The following PCYOX1 variants were observed in gnomAD, a reference collection of about 807,000 sequenced individuals.
PCYOX1 encodes the protein prenylcysteine lyase.
In PCYOX1, 46 loss-of-function variants were observed where a neutral mutation model predicts 46.4. The observed-to-expected ratio is 0.99, with a 90% CI of 0.78 to 1.27. PCYOX1 has a LOEUF of 1.27. Ranked by LOEUF, PCYOX1 falls within the 50% of genes most tolerant of loss-of-function variation. The pLI, the probability that PCYOX1 is intolerant of heterozygous loss-of-function variation, is 0.00. For synonymous variants in PCYOX1, 220 were observed against 231.8 expected (o/e 0.95, Z 0.46); for missense variants, 658 against 628.3 (o/e 1.05, Z -0.51).
rs757990304 is a variant in PCYOX1, at chr2:70,275,114, T to C, written c.650T>C (p.Ile217Thr). The change falls in exon 4 of 6, where the codon ATT (isoleucine) becomes ACT (threonine). Residue 217 changes from isoleucine (I) to threonine (T), a missense_variant. Transcript: ENST00000433351. ...GFSEKFLNEMIAPVMRVNYGQ... is the reference protein window; with the variant it reads ...GFSEKFLNEMTAPVMRVNYGQ... ...TCTGAGAAGTTCCTCAATGAAATGA[T>C]TGCTCCTGTTATGAGGGTCAATTAT... The C allele has an allele frequency of 2.5e-6, 4 of 1,614,186 alleles. No individual in the cohort carries two copies. The highest frequency in any genetic ancestry group is 2.5e-6 in the Non-Finnish European group (3 of 1,180,018).
chr2:70,277,253 T>TA lies in PCYOX1; in HGVS notation c.1380dup (p.Glu461ArgfsTer33). ...GATCGACTTTATTACCTCAATGGCA[T>TA]AGAGTGTGCAGCAAGTGCCATGGAG... On this transcript the variant is annotated frameshift_variant, in exon 6 of 6. Coordinates refer to ENST00000433351, the MANE Select transcript of PCYOX1 (RefSeq NM_016297.4). LOFTEE classifies it high-confidence loss of function. 1 of 1,614,162 alleles carries TA rather than the reference T, an allele frequency of 6.2e-7. No individual in the cohort carries two copies. Among genetic ancestry groups the TA allele is most frequent in the African/African-American group, 1.3e-5 (1 of 75,048 alleles).
intron 5 of PCYOX1, among the ~76,000 whole-genome samples, 190 bp downstream of exon 5, chr2:70,275,856 T>A (rs1696663871): frequency 6.6e-6 from 1 of 152,068 alleles, no homozygotes; most frequent in African/African-American, 2.4e-5. Context: ...CCCTGTACTT[T>A]GGGAGGCCAA....
intron 4 of PCYOX1, 143 bp from the exon 5 acceptor site, chr2:70,275,371 A>AACTGGGGGAGATTTTGCT (rs1696656007): frequency 2.2e-6 from 2 of 889,984 alleles, no homozygotes; most frequent in African/African-American, 3.3e-5. Context: ...AGTAATTCTT[A>AACTGGGGGAGATTTTGCT]ACTGGGGGAG....
intron 3 of PCYOX1, among the ~76,000 whole-genome samples, chr2:70,268,221 G>A (rs1696555163): frequency 6.6e-6 from 1 of 152,102 alleles, no homozygotes; most frequent in Non-Finnish European, 1.5e-5. Flanking sequence ...GCTACCATTT[G>A]TTCTCAGGTT....
In PCYOX1 at chr2:70,267,430, A is replaced by G. The variant is rs535124924; in HGVS notation, c.494+6044A>G. 6.5e-3 allele frequency among the ~76,000 whole-genome samples: 983 copies of G among 152,186 alleles called. 12 individuals carry two copies. Among genetic ancestry groups the G allele is most frequent in the African/African-American group, 0.023 (938 of 41,564 alleles). On this transcript the variant is annotated intron_variant, in intron 3 of 5. Coordinates refer to ENST00000433351, the MANE Select transcript of PCYOX1 (RefSeq NM_016297.4). ...GCAATCTCAGCACTTTTGGGAGGTC[A>G]AGGCAGGCGGCTGGGAGGTGGAGGT...
chr2:70,258,259 C>G lies in PCYOX1; in HGVS notation c.95C>G (p.Ala32Gly), dbSNP rs78710301. 1.6e-5 allele frequency: 26 copies of G among 1,589,864 alleles called. No homozygotes were observed. The highest frequency in any genetic ancestry group is 2.0e-5 in the Non-Finnish European group (24 of 1,173,986). Reference sequence around the variant, plus strand: ...TGCCCCGAGGGCGCCGAGCTGCGTGCTCCGCCAGATAAAATCGGTAGGCGA... The same window carrying G: ...TGCCCCGAGGGCGCCGAGCTGCGTGGTCCGCCAGATAAAATCGGTAGGCGA... The part of the protein sequence containing the change: ...CGCPEGAELR[A>G]PPDKIAIIGA... The change falls in exon 1 of 6, where the codon GCT (alanine) becomes GGT (glycine). Residue 32 changes from alanine to glycine, a missense_variant. By Grantham distance (60) the Ala-to-Gly change is moderately conservative. Transcript: ENST00000433351.
chr2:70,268,292 C>A (rs1204968477), intron 3 of PCYOX1, among the ~76,000 whole-genome samples: 1 of 152,122 alleles, frequency 6.6e-6, no homozygotes, highest in Non-Finnish European at 1.5e-5. Flanking sequence ...AACTCAGAAA[C>A]CTTCAGTGGC....
chr2:70,270,586 C>T (rs529635682), intron 3 of PCYOX1, among the ~76,000 whole-genome samples: 2 of 152,294 alleles, frequency 1.3e-5, no homozygotes, highest in East Asian at 3.9e-4. Flanking sequence ...ATTGCTTTTA[C>T]CTCTACCGGA....
chr2:70,276,855 C>T lies in PCYOX1; in HGVS notation c.981C>T (p.Leu327=). 6.2e-7 allele frequency: 1 copy of T among 1,613,600 alleles called. No individual in the cohort carries two copies. Among genetic ancestry groups the T allele is most frequent in the Non-Finnish European group, 8.5e-7 (1 of 1,179,568 alleles). Residue 327 remains leucine (L), a synonymous_variant, in exon 6 of 6, where the codon CTC becomes CTT. Transcript: ENST00000433351. Reference sequence around the variant, plus strand: ...GAAAAATGTCGAATATTACTTTTCTCAACTTTGATCCTCCAATTGAGGAAT... The same window carrying T: ...GAAAAATGTCGAATATTACTTTTCTTAACTTTGATCCTCCAATTGAGGAAT... The part of the protein sequence containing the change: ...LNRKMSNITF[L]NFDPPIEEFH...
rs1033676565 is a variant in PCYOX1 at position 70,280,075 on chromosome 2, C to G, written c.*2683C>G. The G allele has an allele frequency of 2.6e-5, 4 of 151,546 alleles. No homozygotes were observed. The highest frequency in any genetic ancestry group is 9.7e-5 in the African/African-American group (4 of 41,188). 9.4% of individuals were successfully genotyped at this position (151,546 alleles called of 1,614,324 possible). ...AGCCTGGGCAAGAGTGAGACTGTGT[C>G]TCAAAAGGAAAAAAAAAAAATTAAA... On this transcript the variant is annotated 3_prime_UTR_variant, in exon 6 of 6. Coordinates refer to ENST00000433351, the MANE Select transcript of PCYOX1 (RefSeq NM_016297.4).
chr2:70,266,361 C>T (rs931907467), intron 3 of PCYOX1, among the ~76,000 whole-genome samples: 1 of 152,092 alleles, frequency 6.6e-6, no homozygotes, highest in African/African-American at 2.4e-5. Flanking sequence ...AGACAGTCTT[C>T]CCTCAGAGCT....
chr2:70,261,448 G>T (rs1260623759), intron 3 of PCYOX1, 62 bp downstream of exon 3: 4 of 1,116,822 alleles, frequency 3.6e-6, no homozygotes, highest in Admixed American at 2.1e-5. Context: ...TAAACTTGAT[G>T]AACTTTAGGA....
intron 3 of PCYOX1, among the ~76,000 whole-genome samples, chr2:70,263,428 A>C (rs1696467944): frequency 6.6e-6 from 1 of 152,146 alleles, no homozygotes; most frequent in African/African-American, 2.4e-5. Flanking sequence ...AATACCTGTT[A>C]GGTGCTAGGC....
rs757845749 is a variant in PCYOX1 at position 70,277,413 on chromosome 2, C to T, written c.*21C>T. On this transcript the variant is annotated 3_prime_UTR_variant, in exon 6 of 6. Transcript: ENST00000433351. ...TATGAAGTGACACACTCCTTTTTCC[C>T]CTCCTAGTTCCAAATGACTATCAGT... is the stretch of plus-strand genomic sequence containing the variant. The T allele has an allele frequency of 2.6e-6, 4 of 1,542,700 alleles. No homozygotes were observed. Among genetic ancestry groups the T allele is most frequent in the Non-Finnish European group, 3.5e-6 (4 of 1,136,268 alleles).
At chr2:70,265,750 T>C (rs1252784182) in intron 3 of PCYOX1, among the ~76,000 whole-genome samples, 1 of 152,180 alleles carries the variant, frequency 6.6e-6, no homozygotes, top group Non-Finnish European at 1.5e-5. Flanking sequence ...TTAAAGCTTA[T>C]TCTTCTCTCT....
chr2:70,272,767 T>C (rs1213766709), intron 3 of PCYOX1, among the ~76,000 whole-genome samples: 1 of 152,030 alleles, frequency 6.6e-6, no homozygotes, highest in Non-Finnish European at 1.5e-5. Flanking sequence ...GGTGTGATCT[T>C]GACTTACTGC....
At chr2:70,260,226 T>G (rs1484246482) in intron 2 of PCYOX1, among the ~76,000 whole-genome samples, 3 of 152,110 alleles carry the variant, frequency 2.0e-5, no homozygotes, top group Non-Finnish European at 4.4e-5. Flanking sequence ...CCCAGAGACT[T>G]GAATTGTCTG....
intron 3 of PCYOX1, among the ~76,000 whole-genome samples, chr2:70,270,139 C>T (rs748250083): frequency 1.3e-5 from 2 of 152,020 alleles, no homozygotes; most frequent in South Asian, 2.1e-4. Context: ...GGATTACAGG[C>T]GTGTGCCACC....
chr2:70,270,907 A>G (rs908967884), intron 3 of PCYOX1, among the ~76,000 whole-genome samples: 3 of 151,848 alleles, frequency 2.0e-5, no homozygotes, highest in African/African-American at 7.3e-5. Flanking sequence ...TTGTATTTTT[A>G]GTAGAGACAG....
Sources: allele counts gnomAD v4.1 joint callset (sites outside exome capture counted in the v4.1 genomes callset), GRCh38; gene constraint gnomAD v4.1.1; transcripts MANE v1.5; gene names NCBI Gene and HGNC (gene_info 2026-07-23, HGNC 2026-07-21).